The following BCAP29 variants were observed in gnomAD, a reference collection of about 807,000 sequenced individuals.
BCAP29 encodes the protein B cell receptor associated protein 29.
BCAP29 carries 34 observed loss-of-function variants against 31.8 expected under a neutral mutation model. The ratio of observed to expected loss-of-function variants is 1.07; its 90% CI spans 0.81 to 1.42. BCAP29 has a LOEUF of 1.42. BCAP29 is among the 40% of genes most tolerant of loss of function. The pLI is 0.00. For missense variants in BCAP29, 314 were observed against 269.2 expected (o/e 1.17, Z -1.16); for synonymous variants, 104 against 91.3 (o/e 1.14, Z -0.79).
At chr7:107,598,009 A>G (rs559591951) in intron 5 of BCAP29, among the ~76,000 whole-genome samples, 2 of 152,162 alleles carry the variant, frequency 1.3e-5, no homozygotes, top group South Asian at 4.1e-4. Flanking sequence ...TAATCATTAA[A>G]TTTCAGATTT....
rs1814701963 is a variant in BCAP29 at position 107,619,310 on chromosome 7, C to G, written c.*947C>G. ...AGCTAAATATTAAGTACTATTTTTC[C>G]ATTCAAATATTCATTTAGAATTTCC... is the stretch of plus-strand genomic sequence containing the variant. On this transcript the variant is annotated 3_prime_UTR_variant, in exon 8 of 8. Transcript: ENST00000005259. 1 of 152,382 alleles carries G rather than the reference C, an allele frequency of 6.6e-6. No individual in the cohort carries two copies. The highest frequency in any genetic ancestry group is 1.5e-5 in the Non-Finnish European group (1 of 67,932). The allele number at this position is 152,382 out of a possible 1,614,324, so 9.4% of individuals were successfully genotyped here. A position where few individuals can be genotyped will look rare whatever the true frequency, so the allele number is the denominator to read the frequency against.
rs144775863 is a variant in BCAP29, at chr7:107,581,486, A to G, written c.92+622A>G. On this transcript the variant is annotated intron_variant, in intron 2 of 7. Transcript: ENST00000005259. ...TCTAAGGTCTTGAAGAACCAAGTACAGTGTTTCAAGCCAAGCAGTGGTTCA... is the reference window on the plus strand; with the variant it reads ...TCTAAGGTCTTGAAGAACCAAGTACGGTGTTTCAAGCCAAGCAGTGGTTCA... Among the ~76,000 whole-genome samples, 110 of 152,376 alleles carry G rather than the reference A, an allele frequency of 7.2e-4. 2 individuals carry two copies. The East Asian group carries it at 0.021, about 29-fold the overall frequency.
At chr7:107,614,066 C>T (rs1585237082) in intron 7 of BCAP29, among the ~76,000 whole-genome samples, 1 of 152,340 alleles carries the variant, frequency 6.6e-6, no homozygotes, top group Non-Finnish European at 1.5e-5. Context: ...CTCAGACACA[C>T]TCTGATCAAT....
In BCAP29 at chr7:107,586,885, C is replaced by T. The variant is rs556190706; in HGVS notation, c.193+2903C>T. Among the ~76,000 whole-genome samples the T allele has an allele frequency of 3.9e-5, 6 of 151,914 alleles. No individual in the cohort carries two copies. In the East Asian group the frequency reaches 1.2e-3, roughly 29 times the overall value. On this transcript the variant is annotated intron_variant, in intron 3 of 7. Transcript: ENST00000005259. ...TGGGACTACAGGCGAGAGCCACCAA[C>T]CCCTGGCTAATTTTTGTTTTTTTTA...
downstream of BCAP29, chr7:107,622,163 C>G (rs111437695): frequency 3.2e-6 from 1 of 314,124 alleles, no homozygotes; most frequent in African/African-American, 2.1e-5. Context: ...CCTCATCTCC[C>G]TGTATCTTCT....
chr7:107,620,527 T>C (rs760977468), downstream of BCAP29: 9 of 152,240 alleles, frequency 5.9e-5, no homozygotes, highest in Admixed American at 2.6e-4. Flanking sequence ...AATAATGACT[T>C]CTTTATGTCT....
chr7:107,622,430 G>C (rs1176229419), downstream of BCAP29: 6 of 153,710 alleles, frequency 3.9e-5, no homozygotes, highest in Non-Finnish European at 8.7e-5. Context: ...TCTTTCCCTA[G>C]GATATAGATC....
intron 6 of BCAP29, among the ~76,000 whole-genome samples, chr7:107,607,241 T>A (rs1310085499): frequency 1.3e-5 from 2 of 152,146 alleles, no homozygotes; most frequent in East Asian, 3.9e-4. Flanking sequence ...CGCTTGAGCC[T>A]GGGAGGCACA....
chr7:107,622,536 G>A (rs923249798), downstream of BCAP29: 2 of 152,332 alleles, frequency 1.3e-5, no homozygotes, highest in Non-Finnish European at 2.9e-5. Flanking sequence ...TCCCAGGCCT[G>A]TCTGCCTTCT....
chr7:107,618,442 G>A lies in BCAP29; in HGVS notation c.*79G>A, dbSNP rs771569195. ...TTAGCCTCTAGAAAATTTAAGTTCA[G>A]AAAAATGCACTATGACCGGTTCGTA... On this transcript the variant is annotated 3_prime_UTR_variant, in exon 8 of 8. Coordinates refer to ENST00000005259, the MANE Select transcript of BCAP29 (RefSeq NM_018844.4). 8.7e-6 allele frequency: 14 copies of A among 1,612,800 alleles called. No homozygotes were observed. Among genetic ancestry groups the A allele is most frequent in the Non-Finnish European group, 1.1e-5 (13 of 1,179,356 alleles).
chr7:107,580,432 C>G (rs1436390084), intron 1 of BCAP29, 131 bp downstream of exon 1: 2 of 256,848 alleles, frequency 7.8e-6, no homozygotes, highest in Admixed American at 6.2e-5. Context: ...GCGCGGTGGT[C>G]GAGGGCCCGC....
intron 3 of BCAP29, among the ~76,000 whole-genome samples, chr7:107,591,464 C>G (rs888154135): frequency 4.6e-5 from 7 of 152,092 alleles, no homozygotes; most frequent in African/African-American, 1.7e-4. Flanking sequence ...CGCAGGTTGC[C>G]TTTGGACTCA....
chr7:107,591,646 A>ACC (rs1808805225), intron 3 of BCAP29, among the ~76,000 whole-genome samples: 1 of 147,968 alleles, frequency 6.8e-6, no homozygotes, highest in Non-Finnish European at 1.5e-5. Context: ...ACACATACAC[A>ACC]CACACACACA....
rs147480624 is a variant in BCAP29 at position 107,580,778 on chromosome 7, A to T, written c.6A>T (p.Thr2=). ...ATTTAGGTGTGAAGAAAAAAATGAC[A>T]CTCCAATGGGCTGCAGTGGCAACCT... is the stretch of plus-strand genomic sequence containing the variant. The part of the protein sequence containing the change: M[T]LQWAAVATFL... The change falls in exon 2 of 8, where the codon ACA becomes ACT. Residue 2 remains threonine (T), a synonymous_variant. Transcript: ENST00000005259. 2 of 1,592,886 alleles carry T rather than the reference A, an allele frequency of 1.3e-6. No homozygotes were observed. Among genetic ancestry groups the T allele is most frequent in the African/African-American group, 2.7e-5 (2 of 73,196 alleles).
At chr7:107,596,716 C>T (rs1809880917) in intron 5 of BCAP29, among the ~76,000 whole-genome samples, 1 of 152,098 alleles carries the variant, frequency 6.6e-6, no homozygotes, top group Non-Finnish European at 1.5e-5. Context: ...TTGTTTTTCT[C>T]TTATTCTTTA....
In BCAP29 at chr7:107,593,936, T is replaced by G. The variant is rs200648388; in HGVS notation, c.194-19T>G. The G allele has an allele frequency of 3.8e-6, 6 of 1,571,022 alleles. No individual in the cohort carries two copies. In the Admixed American group the frequency reaches 8.2e-5, roughly 21 times the overall value. On this transcript the variant is annotated intron_variant, in intron 3 of 7. Coordinates refer to ENST00000005259, the MANE Select transcript of BCAP29 (RefSeq NM_018844.4). ...ATTCGTAAAAGCCAAAAGTACTGTTTTCTTTTGTTCTGTAATAGATGCTGT... is the reference window on the plus strand; with the variant it reads ...ATTCGTAAAAGCCAAAAGTACTGTTGTCTTTTGTTCTGTAATAGATGCTGT...
At chr7:107,586,783 A>G (rs1224055274) in intron 3 of BCAP29, among the ~76,000 whole-genome samples, 1 of 143,032 alleles carries the variant, frequency 7.0e-6, no homozygotes, top group Non-Finnish European at 1.5e-5. Context: ...GCTGAAATGC[A>G]GTGGTGCGAT....
intron 6 of BCAP29, among the ~76,000 whole-genome samples, chr7:107,607,592 T>TATTGATACCCTCTTTCCTGA (rs1397503914): frequency 2.0e-5 from 3 of 151,940 alleles, no homozygotes; most frequent in Admixed American, 2.0e-4. Flanking sequence ...CTCTTTCCTG[T>TATTGATACCCTCTTTCCTGA]ATTGATACCC....
chr7:107,595,384 G>A (rs1340245339), intron 4 of BCAP29, among the ~76,000 whole-genome samples: 1 of 152,200 alleles, frequency 6.6e-6, no homozygotes, highest in Non-Finnish European at 1.5e-5. Context: ...AGCAGTTCCT[G>A]AGTAAAGGAA....
Sources: allele counts gnomAD v4.1 joint callset (sites outside exome capture counted in the v4.1 genomes callset), GRCh38; gene constraint gnomAD v4.1.1; transcripts MANE v1.5; gene names NCBI Gene and HGNC (gene_info 2026-07-23, HGNC 2026-07-21).